UNC5D: variants seen among roughly 807,000 people sequenced by gnomAD.
UNC5D encodes netrin receptor UNC5D.
UNC5D carries 39 observed loss-of-function variants against 105.4 expected under a neutral mutation model. The ratio of observed to expected loss-of-function variants is 0.37; its 90% CI spans 0.29 to 0.48. UNC5D has a LOEUF of 0.48. Among genes scored for constraint, UNC5D ranks in the 20% least tolerant of loss-of-function variants. The pLI is 0.98. For synonymous variants in UNC5D, 452 were observed against 450.4 expected (o/e 1.00, Z -0.04); for missense variants, 991 against 1,202.4 (o/e 0.82, Z 2.60).
chr8:35,447,729 C>A (rs1807888331), intron 1 of UNC5D, among the ~76,000 whole-genome samples: 1 of 152,020 alleles, frequency 6.6e-6, no homozygotes, highest in Admixed American at 6.6e-5. Flanking sequence ...CATGTGGGTA[C>A]TGACATAGCA....
intron 2 of UNC5D, among the ~76,000 whole-genome samples, chr8:35,567,297 G>A (rs1817418867): frequency 1.3e-5 from 2 of 152,090 alleles, no homozygotes; most frequent in Admixed American, 6.5e-5. Context: ...AGCAAAAAAT[G>A]TTTTAAGTGA....
At chr8:35,247,522 C>CTATA (rs1165778755) in intron 1 of UNC5D, among the ~76,000 whole-genome samples, 38 of 118,576 alleles carry the variant, frequency 3.2e-4, no homozygotes, top group Non-Finnish European at 5.6e-4. Context: ...CTCTCTCTCT[C>CTATA]TATATATATA....
At chr8:35,503,594 G>C (rs117588573) in intron 1 of UNC5D, among the ~76,000 whole-genome samples, 1,629 of 152,316 alleles carry the variant, frequency 0.011, 17 homozygotes, top group Non-Finnish European at 0.015. Context: ...CTGTGCTCAG[G>C]ACTGTGAATA....
intron 1 of UNC5D, among the ~76,000 whole-genome samples, chr8:35,533,990 T>C (rs577152214): frequency 1.6e-3 from 249 of 151,844 alleles, no homozygotes; most frequent in African/African-American, 5.6e-3. Flanking sequence ...GATGGAAATG[T>C]AGAAATCACC....
intron 1 of UNC5D, among the ~76,000 whole-genome samples, chr8:35,280,599 C>T (rs1806082581): frequency 6.6e-6 from 1 of 152,160 alleles, no homozygotes; most frequent in Non-Finnish European, 1.5e-5. Context: ...TGGTGATTCT[C>T]TTAACCCACT....
At chr8:35,496,700 T>C (rs1346000611) in intron 1 of UNC5D, among the ~76,000 whole-genome samples, 1 of 152,162 alleles carries the variant, frequency 6.6e-6, no homozygotes, top group Non-Finnish European at 1.5e-5. Flanking sequence ...TTAGTATATT[T>C]TTAGAACTGT....
In UNC5D at chr8:35,570,032, C is replaced by G. The variant is rs558031396; in HGVS notation, c.466+1791C>G. 6.8e-4 allele frequency among the ~76,000 whole-genome samples: 103 copies of G among 152,280 alleles called. 1 individual carries two copies. Among genetic ancestry groups the G allele is most frequent in the Non-Finnish European group, 1.3e-3 (90 of 68,036 alleles). Reference sequence around the variant, plus strand: ...CACTTAATTCTTCATTGCGACTTGCCTGCTGGAAACTTCCAGGGGTTTTGT... The same window carrying G: ...CACTTAATTCTTCATTGCGACTTGCGTGCTGGAAACTTCCAGGGGTTTTGT... On this transcript the variant is annotated intron_variant, in intron 3 of 16. Transcript: ENST00000404895.
At chr8:35,590,660 C>T (rs2130881323) in intron 3 of UNC5D, among the ~76,000 whole-genome samples, 1 of 152,196 alleles carries the variant, frequency 6.6e-6, no homozygotes, top group East Asian at 1.9e-4. Flanking sequence ...GCAACCAGTG[C>T]TCTTAAACGG....
intron 4 of UNC5D, among the ~76,000 whole-genome samples, chr8:35,638,601 C>T (rs1822525447): frequency 6.6e-6 from 1 of 151,612 alleles, no homozygotes; most frequent in Admixed American, 6.6e-5. Context: ...TTGAGCCAGC[C>T]TAGGCAACAT....
chr8:35,482,364 G>T (rs966601314), intron 1 of UNC5D, among the ~76,000 whole-genome samples: 2 of 152,166 alleles, frequency 1.3e-5, no homozygotes, highest in Non-Finnish European at 2.9e-5. Flanking sequence ...AAGCACTAGA[G>T]CCAAAATTTG....
chr8:35,366,863 C>T (rs1353086714), intron 1 of UNC5D, among the ~76,000 whole-genome samples: 1 of 152,086 alleles, frequency 6.6e-6, no homozygotes, highest in African/African-American at 2.4e-5. Flanking sequence ...TGATCAGAAG[C>T]CAATCAACTA....
chr8:35,572,391 C>T (rs768409775), intron 3 of UNC5D, among the ~76,000 whole-genome samples: 3 of 151,408 alleles, frequency 2.0e-5, no homozygotes, highest in Non-Finnish European at 2.9e-5. Flanking sequence ...TCCATTGACA[C>T]GTAGGGTCTT....
In UNC5D at chr8:35,247,518, C is replaced by A. The variant is rs561178503; in HGVS notation, c.103+11631C>A. Among the ~76,000 whole-genome samples the A allele has an allele frequency of 3.4e-4, 42 of 124,662 alleles. 1 individual carries two copies. The highest frequency in any genetic ancestry group is 1.3e-3 in the East Asian group (6 of 4,602). The allele number at this position is 124,662 out of a possible 152,430, so 81.8% of individuals were successfully genotyped here. A position where few individuals can be genotyped will look rare whatever the true frequency, so the allele number is the denominator to read the frequency against. On this transcript the variant is annotated intron_variant, in intron 1 of 16. Transcript: ENST00000404895. The stretch of plus-strand genomic sequence containing the variant: ...AGGAGATCCTAAATAACTTCTCTCT[C>A]TCTCTATATATATATATGTATAAAA...
At chr8:35,457,269 T>C (rs1213266910) in intron 1 of UNC5D, among the ~76,000 whole-genome samples, 1 of 152,188 alleles carries the variant, frequency 6.6e-6, no homozygotes, top group Non-Finnish European at 1.5e-5. Flanking sequence ...AAAGATTCTT[T>C]GGTGTCATGA....
intron 1 of UNC5D, among the ~76,000 whole-genome samples, chr8:35,352,945 C>G (rs560769734): frequency 9.2e-5 from 14 of 152,126 alleles, no homozygotes; most frequent in African/African-American, 3.4e-4. Flanking sequence ...GGCACCTGAC[C>G]GATATACTTT....
intron 4 of UNC5D, among the ~76,000 whole-genome samples, chr8:35,646,221 T>G (rs1408063064): frequency 6.6e-6 from 1 of 152,116 alleles, no homozygotes; most frequent in African/African-American, 2.4e-5. Context: ...GCTTGCAGAT[T>G]ACTAGGTGAT....
Position 35,759,317 on chromosome 8 carries a change from T to C in UNC5D, c.2164-3T>C, listed in dbSNP as rs2131678706. The C allele has an allele frequency of 5.6e-6, 9 of 1,612,444 alleles. No homozygotes were observed. The highest frequency in any genetic ancestry group is 5.5e-5 in the South Asian group (5 of 90,596). On this transcript the variant is annotated splice_polypyrimidine_tract_variant and splice_region_variant and intron_variant, in intron 13 of 16. Transcript: ENST00000404895. Reference sequence around the variant, plus strand: ...ATCTTATTTTCTTTTTCTTCTCCTATAGGAAGTGGTTTCAGATGAAAGGCA... The same window carrying C: ...ATCTTATTTTCTTTTTCTTCTCCTACAGGAAGTGGTTTCAGATGAAAGGCA...
At chr8:35,287,774 T>TGG (rs1806716140) in intron 1 of UNC5D, among the ~76,000 whole-genome samples, 1 of 152,048 alleles carries the variant, frequency 6.6e-6, no homozygotes, top group Non-Finnish European at 1.5e-5. Context: ...ACCTTTGCAC[T>TGG]CACTGGGTGA....
intron 15 of UNC5D, among the ~76,000 whole-genome samples, chr8:35,773,062 G>GA (rs796786860): frequency 2.0e-4 from 31 of 152,130 alleles, no homozygotes; most frequent in African/African-American, 5.5e-4. Context: ...GGCCCACCCA[G>GA]AAAAAATCTC....
Sources: allele counts gnomAD v4.1 joint callset (sites outside exome capture counted in the v4.1 genomes callset), GRCh38; gene constraint gnomAD v4.1.1; transcripts MANE v1.5; gene names NCBI Gene and HGNC (gene_info 2026-07-23, HGNC 2026-07-21).